TRAPPC11: variants seen among roughly 807,000 people sequenced by gnomAD.
The protein encoded by TRAPPC11 is foie gras homolog.
In TRAPPC11, 104 loss-of-function variants were observed where a neutral mutation model predicts 151.2. The observed-to-expected ratio is 0.69, with a 90% CI of 0.59 to 0.81. The LOEUF (loss-of-function observed/expected upper bound fraction) is 0.81, where lower values mean the gene tolerates loss of function less well. TRAPPC11 is among the 30% of genes least tolerant of loss of function. The probability of loss-of-function intolerance (pLI) is 0.00; values close to 1 mark genes in which losing one functional copy is unlikely to be tolerated. For missense variants in TRAPPC11, 1,230 were observed against 1,349.6 expected, an observed-to-expected ratio of 0.91 and a Z score of 1.39; for synonymous variants, 456 against 472.3, an observed-to-expected ratio of 0.97 and a Z score of 0.45.
intron 26 of TRAPPC11, among the ~76,000 whole-genome samples, chr4:183,702,732 G>A (rs946589994): frequency 6.6e-6 from 1 of 152,190 alleles, no homozygotes; most frequent in African/African-American, 2.4e-5. Context: ...TTGTATCATT[G>A]TAATTTCTTT....
intron 11 of TRAPPC11, 56 bp downstream of exon 11, chr4:183,682,881 A>G (rs994079806): frequency 8.5e-6 from 10 of 1,179,862 alleles, no homozygotes; most frequent in African/African-American, 1.5e-5. Flanking sequence ...AACAATAGCT[A>G]TAATAGATTT....
intron 10 of TRAPPC11, among the ~76,000 whole-genome samples, chr4:183,682,144 A>C (rs9994100): frequency 0.15 from 22,482 of 152,258 alleles, 1,791 homozygotes; most frequent in East Asian, 0.19. Flanking sequence ...GAATGATAAC[A>C]TACATTCTTA....
In TRAPPC11 at chr4:183,684,311, A is replaced by C; in HGVS notation, c.1373A>C (p.Gln458Pro). 1 of 1,613,784 alleles carries C rather than the reference A, an allele frequency of 6.2e-7. No individual in the cohort carries two copies. Residue 458 changes from glutamine (Q) to proline (P), a missense_variant, in exon 14 of 30, where the codon CAG becomes CCG. Transcript: ENST00000334690. ...ATCTTTTTTTCCTTTATAGTGGTTC[A>C]GATGGGAGAGGAATATTATTACGCA... ...CPRMKSHLMV[Q>P]MGEEYYYAKD... is the part of the protein sequence containing the mutation.
chr4:183,661,963 CTA>C (rs1351201704), intron 1 of TRAPPC11, among the ~76,000 whole-genome samples: 1 of 151,886 alleles, frequency 6.6e-6, no homozygotes, highest in Non-Finnish European at 1.5e-5. Context: ...CAGGATCTCA[CTA>C]TGTTTCCCAG....
At chr4:183,687,135 C>A (rs565901997) in intron 18 of TRAPPC11, among the ~76,000 whole-genome samples, 1 of 152,050 alleles carries the variant, frequency 6.6e-6, no homozygotes, top group African/African-American at 2.4e-5. Context: ...GAGCTGAGAT[C>A]GTGCCACTGC....
chr4:183,698,007 T>C (rs532106240), intron 25 of TRAPPC11, among the ~76,000 whole-genome samples, 172 bp downstream of exon 25: 7 of 152,356 alleles, frequency 4.6e-5, no homozygotes, highest in African/African-American at 1.7e-4. Flanking sequence ...TAGTGTCATT[T>C]ATAATACCAT....
At chr4:183,709,562 TC>T (rs1467865659) in intron 29 of TRAPPC11, among the ~76,000 whole-genome samples, 1 of 152,070 alleles carries the variant, frequency 6.6e-6, no homozygotes, top group East Asian at 1.9e-4. Flanking sequence ...GATCATAAGG[TC>T]AGGAGATCGA....
chr4:183,668,245 G>A, intron 5 of TRAPPC11, 128 bp downstream of exon 5: 1 of 521,452 alleles, frequency 1.9e-6, no homozygotes, highest in Non-Finnish European at 3.3e-6. Context: ...CAGAGGCTAT[G>A]GGGTAAAAAT....
intron 5 of TRAPPC11, among the ~76,000 whole-genome samples, chr4:183,671,362 T>G (rs7680950): frequency 0.51 from 76,817 of 151,978 alleles, 19,947 homozygotes; most frequent in African/African-American, 0.62. Context: ...GGGACAGTAT[T>G]GAAGCAGTGT....
intron 20 of TRAPPC11, 39 bp from the exon 21 acceptor site, chr4:183,693,550 T>C (rs1561052906): frequency 1.3e-6 from 2 of 1,569,516 alleles, no homozygotes; most frequent in Non-Finnish European, 1.7e-6. Flanking sequence ...TATTTGCTTT[T>C]TTTTTGATCA....
At chr4:183,661,562 G>A (rs1272451334) in intron 1 of TRAPPC11, among the ~76,000 whole-genome samples, 1 of 151,428 alleles carries the variant, frequency 6.6e-6, no homozygotes, top group East Asian at 1.9e-4. Context: ...TAGTAGAGAC[G>A]GGGTTTCACC....
rs185749681 is a variant in TRAPPC11, at chr4:183,662,840, C to T, written c.-21-1007C>T. ...TTTATCACCTTCTTGCTTTCTTGGT[C>T]TACTAATTTCAAAGTTCTGTGTGCA... is the stretch of plus-strand genomic sequence containing the variant. On this transcript the variant is annotated intron_variant, in intron 1 of 29. Coordinates refer to ENST00000334690, the MANE Select transcript of TRAPPC11 (RefSeq NM_021942.6). Among the ~76,000 whole-genome samples, 275 of 151,988 alleles carry T rather than the reference C, an allele frequency of 1.8e-3. 1 individual carries two copies. Among genetic ancestry groups the T allele is most frequent in the Admixed American group, 0.016 (239 of 15,278 alleles).
At position 183,712,806 on chromosome 4, in the gene TRAPPC11, T is replaced by C. The variant is rs141091250; in HGVS notation, c.*162T>C. On this transcript the variant is annotated 3_prime_UTR_variant, in exon 30 of 30. Transcript: ENST00000334690. ...CAGAGGAACTCATACTTCAAAAATA[T>C]TAGGAAAATCTGTCTTATAGTTTCT... 564 of 561,974 alleles carry C rather than the reference T, an allele frequency of 1.0e-3. 4 individuals are homozygous for C. The highest frequency in any genetic ancestry group is 0.01 in the African/African-American group (528 of 52,796). The allele number at this position is 561,974 out of a possible 1,614,324, so 34.8% of individuals were successfully genotyped here.
chr4:183,673,981 A>G (rs1298407911), intron 5 of TRAPPC11, among the ~76,000 whole-genome samples: 3 of 152,176 alleles, frequency 2.0e-5, no homozygotes, highest in African/African-American at 4.8e-5. Flanking sequence ...TTCTTTCCCC[A>G]TTAGTTTTCT....
intron 9 of TRAPPC11, 128 bp from the exon 10 acceptor site, chr4:183,679,992 A>G: frequency 2.8e-6 from 2 of 713,902 alleles, no homozygotes; most frequent in South Asian, 4.0e-5. Context: ...TAGAACAAAT[A>G]TTAACTGTTC....
In TRAPPC11 at chr4:183,697,442, T is replaced by C. The variant is rs560148500; in HGVS notation, c.2629-61T>C. The C allele has an allele frequency of 8.5e-5, 129 of 1,522,628 alleles. No individual in the cohort carries two copies. In the Middle Eastern group the frequency reaches 8.9e-4, roughly 11 times the overall value. The allele number at this position is 1,522,628 out of a possible 1,614,324, so 94.3% of individuals were successfully genotyped here. A position where few individuals can be genotyped will look rare whatever the true frequency, so the allele number is the denominator to read the frequency against. On this transcript the variant is annotated intron_variant, in intron 23 of 29. Transcript: ENST00000334690. ...TTGATCAGTGATAGGTTGTGTTTTTTAAAACTTTATATAAAAAGATTTAGA... is the reference window on the plus strand; with the variant it reads ...TTGATCAGTGATAGGTTGTGTTTTTCAAAACTTTATATAAAAAGATTTAGA...
chr4:183,701,841 A>G lies in TRAPPC11; in HGVS notation c.2963+33A>G, dbSNP rs776912511. The G allele has an allele frequency of 2.0e-5, 27 of 1,333,720 alleles. No homozygotes were observed. In the East Asian group the frequency reaches 2.1e-4, roughly 10 times the overall value. The allele number at this position is 1,333,720 out of a possible 1,614,324, so 82.6% of individuals were successfully genotyped here. A position where few individuals can be genotyped will look rare whatever the true frequency, so the allele number is the denominator to read the frequency against. On this transcript the variant is annotated intron_variant, in intron 26 of 29. Transcript: ENST00000334690. ...TTATGTCAATCCTGTCTTTTCTTCA[A>G]TGTCTCTGTTATTCTCATACCTTTA...
intron 25 of TRAPPC11, among the ~76,000 whole-genome samples, chr4:183,700,648 G>T (rs1460306914): frequency 6.6e-6 from 1 of 152,188 alleles, no homozygotes; most frequent in Non-Finnish European, 1.5e-5. Flanking sequence ...ATGGCCATGT[G>T]AGGCAATAGT....
intron 8 of TRAPPC11, 59 bp from the exon 9 acceptor site, chr4:183,679,294 A>C: frequency 7.0e-7 from 1 of 1,435,352 alleles, no homozygotes; most frequent in Non-Finnish European, 9.3e-7. Flanking sequence ...TTTTTAAATG[A>C]ATATGTCTTT....
Sources: allele counts gnomAD v4.1 joint callset (sites outside exome capture counted in the v4.1 genomes callset), GRCh38; gene constraint gnomAD v4.1.1; transcripts MANE v1.5; gene names NCBI Gene and HGNC (gene_info 2026-07-23, HGNC 2026-07-21).